CASR: variants seen among roughly 807,000 people sequenced by gnomAD.
The protein encoded by CASR is extracellular calcium-sensing receptor.
Under a neutral mutation model 69.1 loss-of-function variants are expected in CASR, and 23 were observed. The observed-to-expected ratio is 0.33, with a 90% CI of 0.24 to 0.47. The LOEUF is 0.47. Ranked by LOEUF, CASR falls within the 20% of genes least tolerant of loss-of-function variation. The pLI is 1.00. For synonymous variants in CASR, 541 were observed against 544.7 expected, an observed-to-expected ratio of 0.99 and a Z score of 0.10; for missense variants, 924 against 1,356.1, an observed-to-expected ratio of 0.68 and a Z score of 5.00.
intron 1 of CASR, among the ~76,000 whole-genome samples, chr3:122,196,758 T>G (rs933485800): frequency 1.3e-5 from 2 of 152,048 alleles, no homozygotes; most frequent in African/African-American, 4.8e-5. Context: ...AGGATGGTGG[T>G]TATTTTTTTA....
intron 1 of CASR, among the ~76,000 whole-genome samples, chr3:122,227,274 T>C (rs1333337488): frequency 3.3e-5 from 5 of 151,284 alleles, no homozygotes; most frequent in Non-Finnish European, 5.9e-5. Flanking sequence ...GTGGTGCTCA[T>C]CAGGGAGGCT....
At chr3:122,193,297 A>G (rs1055091137) in intron 1 of CASR, among the ~76,000 whole-genome samples, 1 of 151,356 alleles carries the variant, frequency 6.6e-6, no homozygotes, top group Non-Finnish European at 1.5e-5. Context: ...GCTCACTGCA[A>G]CCTCCACCTC....
At position 122,275,829 on chromosome 3, in the gene CASR, G is replaced by A. The variant is rs387907391; in HGVS notation, c.1395G>A (p.Arg465=). 4.3e-6 allele frequency: 7 copies of A among 1,613,538 alleles called. No individual in the cohort carries two copies. The highest frequency in any genetic ancestry group is 5.1e-6 in the Non-Finnish European group (6 of 1,179,510). The change falls in exon 5 of 7, where the codon CGG becomes CGA. Residue 465 remains arginine (R), a synonymous_variant. Coordinates refer to ENST00000639785, the MANE Select transcript of CASR (RefSeq NM_000388.4). ...CTCTTTAGGTCCTGAAGCACCTACG[G>A]CATCTAAACTTTACAAACAATATGG... ...VEAWQVLKHL[R]HLNFTNNMGE...
At chr3:122,216,931 T>C (rs920779666) in intron 1 of CASR, among the ~76,000 whole-genome samples, 2 of 152,212 alleles carry the variant, frequency 1.3e-5, no homozygotes, top group African/African-American at 4.8e-5. Flanking sequence ...CATATATTTA[T>C]TGAGTGCTTA....
At chr3:122,236,031 G>C (rs868201946) in intron 1 of CASR, among the ~76,000 whole-genome samples, 2 of 152,158 alleles carry the variant, frequency 1.3e-5, no homozygotes, top group South Asian at 4.1e-4. Context: ...GCTGATGCTC[G>C]TCCAAGGACC....
In CASR at chr3:122,285,414, A is replaced by C. The variant is rs201459709; in HGVS notation, c.*223A>C. 1.8e-5 allele frequency: 9 copies of C among 498,644 alleles called. No homozygotes were observed. Among genetic ancestry groups the C allele is most frequent in the Non-Finnish European group, 3.3e-5 (9 of 274,624 alleles). The allele number at this position is 498,644 out of a possible 1,614,324, so 30.9% of individuals were successfully genotyped here. A position where few individuals can be genotyped will look rare whatever the true frequency, so the allele number is the denominator to read the frequency against. The stretch of plus-strand genomic sequence containing the variant: ...TGTGTTTCTGTGGTTGCATTTGTCA[A>C]AGCATTGAGATCTCCACGGTCAGAT... On this transcript the variant is annotated 3_prime_UTR_variant, in exon 7 of 7. Coordinates refer to ENST00000639785, the MANE Select transcript of CASR (RefSeq NM_000388.4).
intron 5 of CASR, among the ~76,000 whole-genome samples, chr3:122,280,264 G>A (rs1253857480): frequency 1.3e-5 from 2 of 152,124 alleles, no homozygotes; most frequent in Non-Finnish European, 2.9e-5. Context: ...ATACTGAAAA[G>A]GCAAAAGCTG....
intron 1 of CASR, among the ~76,000 whole-genome samples, chr3:122,235,223 G>A (rs2074317848): frequency 2.0e-5 from 3 of 152,218 alleles, no homozygotes; most frequent in Admixed American, 6.5e-5. Context: ...AAAGACTTAA[G>A]TGTAAAGTAG....
At chr3:122,223,069 A>C (rs541575056) in intron 1 of CASR, among the ~76,000 whole-genome samples, 1 of 152,334 alleles carries the variant, frequency 6.6e-6, no homozygotes, top group South Asian at 2.1e-4. Flanking sequence ...CAACTAAAGC[A>C]GTGTTAAGAG....
chr3:122,185,715 C>A (rs551656724), intron 1 of CASR, among the ~76,000 whole-genome samples: 2 of 152,212 alleles, frequency 1.3e-5, no homozygotes, highest in Non-Finnish European at 2.9e-5. Context: ...GATTCCCTAA[C>A]TGGCATGCCT....
Position 122,194,679 on chromosome 3 carries a change from C to T in CASR, c.-243+10867C>T, listed in dbSNP as rs1432192742. Among the ~76,000 whole-genome samples, 3 of 152,198 alleles carry T rather than the reference C, an allele frequency of 2.0e-5. No individual in the cohort carries two copies. The East Asian group carries it at 5.8e-4, about 29-fold the overall frequency. ...TTTTCCTCTACTTGGCAGAGAGGTA[C>T]TAGCCATGTCTTATAACCCTTGGCC... On this transcript the variant is annotated intron_variant, in intron 1 of 6. Coordinates refer to ENST00000639785, the MANE Select transcript of CASR (RefSeq NM_000388.4).
chr3:122,200,772 A>G (rs1366365317), intron 1 of CASR, among the ~76,000 whole-genome samples: 1 of 152,178 alleles, frequency 6.6e-6, no homozygotes, highest in Non-Finnish European at 1.5e-5. Flanking sequence ...ATTTATGCTT[A>G]TTAGACAATG....
intron 1 of CASR, among the ~76,000 whole-genome samples, chr3:122,203,483 G>A (rs1362950535): frequency 6.6e-6 from 1 of 152,130 alleles, no homozygotes; most frequent in East Asian, 1.9e-4. Context: ...AATTCTTGTG[G>A]GCAGTTGTAA....
chr3:122,206,803 T>C (rs1325392541), intron 1 of CASR, among the ~76,000 whole-genome samples: 1 of 152,086 alleles, frequency 6.6e-6, no homozygotes, highest in Non-Finnish European at 1.5e-5. Flanking sequence ...TCAACCTTCG[T>C]AGATTGTATG....
intron 1 of CASR, 73 bp from the exon 2 acceptor site, chr3:122,253,875 C>T (rs938285789): frequency 2.4e-5 from 9 of 373,102 alleles, no homozygotes; most frequent in African/African-American, 1.7e-4. Flanking sequence ...TTCTGAGCCA[C>T]CTTAGTTGCA....
At chr3:122,183,893 C>T (rs1012869352) in intron 1 of CASR, 81 bp downstream of exon 1, 1 of 152,254 alleles carries the variant, frequency 6.6e-6, no homozygotes, top group Non-Finnish European at 1.5e-5. Flanking sequence ...ATTGTGCCAC[C>T]CTCGGCACAG....
chr3:122,237,728 T>C (rs2074341945), intron 1 of CASR, among the ~76,000 whole-genome samples: 1 of 152,076 alleles, frequency 6.6e-6, no homozygotes, highest in Non-Finnish European at 1.5e-5. Flanking sequence ...GTAGATACAA[T>C]ATAATCATAT....
intron 1 of CASR, among the ~76,000 whole-genome samples, chr3:122,230,852 T>G (rs551539629): frequency 6.6e-6 from 1 of 152,342 alleles, no homozygotes; most frequent in South Asian, 2.1e-4. Flanking sequence ...CTCTGTCCCC[T>G]CCACTAGACT....
intron 3 of CASR, 46 bp from the exon 4 acceptor site, chr3:122,261,482 T>C (rs200774160): frequency 1.0e-5 from 16 of 1,589,840 alleles, no homozygotes; most frequent in Admixed American, 6.7e-5. Flanking sequence ...TCAGCACCTC[T>C]TCACTCACTC....
Sources: gnomAD v4.1 joint callset for allele counts (sites outside exome capture counted in the v4.1 genomes callset) on GRCh38, gnomAD v4.1.1 for gene constraint, MANE v1.5 for transcripts, NCBI Gene and HGNC (gene_info 2026-07-23, HGNC 2026-07-21) for gene names.